CLASP1: variants seen among roughly 807,000 people sequenced by gnomAD.
The protein encoded by CLASP1 is CLIP-associating protein 1.
CLASP1 carries 38 observed loss-of-function variants against 192.3 expected under a neutral mutation model. The observed-to-expected ratio is 0.20, with a 90% CI of 0.15 to 0.26. The LOEUF (loss-of-function observed/expected upper bound fraction) is 0.26, where lower values mean the gene tolerates loss of function less well. Among genes scored for constraint, CLASP1 ranks in the 10% least tolerant of loss-of-function variants. CLASP1 has a pLI of 1.00. For synonymous variants in CLASP1, 691 were observed against 712.8 expected (o/e 0.97, Z 0.49); for missense variants, 1,433 against 1,932.5 (o/e 0.74, Z 4.85).
At chr2:121,547,780 T>C (rs2057614672) in intron 2 of CLASP1, among the ~76,000 whole-genome samples, 1 of 152,106 alleles carries the variant, frequency 6.6e-6, no homozygotes, top group Non-Finnish European at 1.5e-5. Context: ...TATGCCTACG[T>C]GCCACATACC....
chr2:121,339,712 C>T (rs991704193), exon 40 of CLASP1: 1 of 152,160 alleles, frequency 6.6e-6, no homozygotes, highest in Non-Finnish European at 1.5e-5. Context: ...CTCATAATTA[C>T]TTTTTTCCTT....
chr2:121,575,035 T>A (rs553549629), intron 2 of CLASP1, among the ~76,000 whole-genome samples: 1 of 152,322 alleles, frequency 6.6e-6, no homozygotes, highest in South Asian at 2.1e-4. Flanking sequence ...TTAGCTCGAT[T>A]TAGCCATTCC....
At chr2:121,349,506 T>C (rs2063968965) in intron 37 of CLASP1, among the ~76,000 whole-genome samples, 1 of 152,170 alleles carries the variant, frequency 6.6e-6, no homozygotes. Flanking sequence ...CAATGGCTTG[T>C]GGGACACCTA....
chr2:121,401,281 A>G (rs2076125076), intron 28 of CLASP1, among the ~76,000 whole-genome samples: 2 of 152,348 alleles, frequency 1.3e-5, no homozygotes, highest in South Asian at 4.1e-4. Flanking sequence ...TGTTTATTAT[A>G]TATGTCTTAA....
chr2:121,386,855 G>A (rs1196818257), intron 32 of CLASP1, among the ~76,000 whole-genome samples: 1 of 152,146 alleles, frequency 6.6e-6, no homozygotes, highest in Non-Finnish European at 1.5e-5. Flanking sequence ...CAAACTTTTA[G>A]TTGTAGGTAC....
chr2:121,363,186 CTT>C lies in CLASP1; in HGVS notation c.4190_4191del (p.Lys1397ArgfsTer4). The C allele has an allele frequency of 6.2e-7, 1 of 1,614,024 alleles. No individual in the cohort carries two copies. Among genetic ancestry groups the C allele is most frequent in the Non-Finnish European group, 8.5e-7 (1 of 1,179,892 alleles). On this transcript the variant is annotated frameshift_variant, in exon 37 of 40. Transcript: ENST00000263710. LOFTEE classifies it high-confidence loss of function. ...GACTGACTCACCTCCTTATGGGAGT[CTT>C]TGTGGGCTTCCAGAGTCTTCATAAT...
chr2:121,398,598 G>A (rs2075673867), intron 28 of CLASP1, among the ~76,000 whole-genome samples, 198 bp from the exon 30 acceptor site: 1 of 152,154 alleles, frequency 6.6e-6, no homozygotes, highest in Non-Finnish European at 1.5e-5. Flanking sequence ...CTTTTTGCAA[G>A]TCCCCAAACA....
chr2:121,487,716 A>G (rs2093064632), intron 8 of CLASP1, among the ~76,000 whole-genome samples: 1 of 152,154 alleles, frequency 6.6e-6, no homozygotes, highest in South Asian at 2.1e-4. Context: ...ACATCCTATC[A>G]AGAACACCCA....
In CLASP1 at chr2:121,526,183, T is replaced by C. The variant is rs976672252; in HGVS notation, c.471-263A>G. 2.0e-5 allele frequency among the ~76,000 whole-genome samples: 3 copies of C among 152,242 alleles called. No homozygotes were observed. The East Asian group carries it at 5.8e-4, about 29-fold the overall frequency. ...TCTGGCCAATCTGGCCCTAACCCTT[T>C]AAGGCTGGGCCAGAGCTCCAGCCCC... is the stretch of plus-strand genomic sequence containing the variant. On this transcript the variant is annotated intron_variant, in intron 5 of 39. Transcript: ENST00000263710.
At chr2:121,445,929 A>G (rs2084245800) in intron 19 of CLASP1, among the ~76,000 whole-genome samples, 2 of 152,224 alleles carry the variant, frequency 1.3e-5, no homozygotes, top group African/African-American at 4.8e-5. Flanking sequence ...CTAAAGGTGG[A>G]TCTAATATAC....
At chr2:121,553,181 G>A (rs762506318) in intron 2 of CLASP1, among the ~76,000 whole-genome samples, 5 of 152,088 alleles carry the variant, frequency 3.3e-5, no homozygotes, top group Admixed American at 1.3e-4. Context: ...CAGACACTGA[G>A]GCCTACTTGA....
At chr2:121,499,297 G>A (rs898166805) in intron 8 of CLASP1, among the ~76,000 whole-genome samples, 8 of 152,106 alleles carry the variant, frequency 5.3e-5, no homozygotes, top group Non-Finnish European at 1.2e-4. Flanking sequence ...AAAACATTAT[G>A]CTAAGTGAAA....
rs146957277 is a variant in CLASP1, at chr2:121,588,003, G to A, written c.195+17698C>T. Among the ~76,000 whole-genome samples, 34 of 151,286 alleles carry A rather than the reference G, an allele frequency of 2.2e-4. No individual in the cohort carries two copies. In the East Asian group the frequency reaches 6.4e-3, roughly 29 times the overall value. ...AGCCTGGTCAACATAGTGAGACCCT[G>A]TCTCTACTAAAAATACAAAAATTAG... On this transcript the variant is annotated intron_variant, in intron 2 of 39. Transcript: ENST00000263710.
intron 21 of CLASP1, among the ~76,000 whole-genome samples, chr2:121,425,931 C>A (rs991247657): frequency 6.6e-6 from 1 of 152,072 alleles, no homozygotes; most frequent in Admixed American, 6.5e-5. Flanking sequence ...GGAGTTTGAG[C>A]CCAGGAGTTT....
chr2:121,403,243 G>A (rs2076403729), intron 26 of CLASP1, among the ~76,000 whole-genome samples: 1 of 152,164 alleles, frequency 6.6e-6, no homozygotes, highest in Non-Finnish European at 1.5e-5. Context: ...GGGGGGAGGG[G>A]AGGAGAACCC....
intron 10 of CLASP1, among the ~76,000 whole-genome samples, chr2:121,461,933 AG>A (rs1313035320): frequency 2.0e-5 from 3 of 152,170 alleles, no homozygotes; most frequent in Non-Finnish European, 2.9e-5. Flanking sequence ...ATGGCAACCA[AG>A]GTGGCAAAGA....
intron 6 of CLASP1, among the ~76,000 whole-genome samples, chr2:121,524,871 G>A: frequency 6.6e-6 from 1 of 152,130 alleles, no homozygotes; most frequent in Non-Finnish European, 1.5e-5. Flanking sequence ...GGAAGGAGCA[G>A]CACAACAGCC....
At position 121,536,378 on chromosome 2, in the gene CLASP1, G is replaced by GAAAAA. The variant is rs59632661; in HGVS notation, c.196-6058_196-6054dup. On this transcript the variant is annotated intron_variant, in intron 2 of 39. Coordinates refer to ENST00000263710, the Ensembl canonical transcript of CLASP1. ...CCTGGGCGACAGAGCAAGACTGTCT[G>GAAAAA]AAAAAAAAAAAAAAAAAAAAAAAAG... is the stretch of plus-strand genomic sequence containing the variant. 1.5e-3 allele frequency among the ~76,000 whole-genome samples: 72 copies of GAAAAA among 48,290 alleles called. 2 individuals carry two copies. The highest frequency in any genetic ancestry group is 5.8e-3 in the African/African-American group (68 of 11,642). The allele number at this position is 48,290 out of a possible 152,430, so 31.7% of individuals were successfully genotyped here.
At chr2:121,349,553 A>G (rs1573590870) in intron 37 of CLASP1, among the ~76,000 whole-genome samples, 1 of 152,258 alleles carries the variant, frequency 6.6e-6, no homozygotes, top group Admixed American at 6.5e-5. Context: ...GGAGGAAATC[A>G]GAGTGACTTC....
Sources: allele counts gnomAD v4.1 joint callset (sites outside exome capture counted in the v4.1 genomes callset), GRCh38; gene constraint gnomAD v4.1.1; transcripts MANE v1.5; gene names NCBI Gene and HGNC (gene_info 2026-07-23, HGNC 2026-07-21).